ELMO1: variants seen among roughly 807,000 people sequenced by gnomAD.
ELMO1 encodes engulfment and cell motility protein 1.
ELMO1 carries 26 observed loss-of-function variants against 98.9 expected under a neutral mutation model. The ratio of observed to expected loss-of-function variants is 0.26; its 90% CI spans 0.19 to 0.36. The LOEUF is 0.36. Ranked by LOEUF, ELMO1 falls within the 10% of genes least tolerant of loss-of-function variation. The pLI is 1.00. For missense variants in ELMO1, 627 were observed against 935.2 expected, an observed-to-expected ratio of 0.67 and a Z score of 4.30; for synonymous variants, 346 against 346.0, an observed-to-expected ratio of 1.00 and a Z score of 0.00.
intron 16 of ELMO1, among the ~76,000 whole-genome samples, chr7:36,916,489 CA>C (rs1168802575): frequency 3.5e-4 from 53 of 152,180 alleles, no homozygotes; most frequent in Non-Finnish European, 5.9e-5. Context: ...AAACACTATA[CA>C]AATGTAACAT....
intron 20 of ELMO1, among the ~76,000 whole-genome samples, chr7:36,866,048 T>G (rs906729861): frequency 6.6e-6 from 1 of 152,168 alleles, no homozygotes; most frequent in African/African-American, 2.4e-5. Flanking sequence ...GATGGAAGCT[T>G]CTCATACACC....
At chr7:37,407,923 T>G (rs1803839431) in intron 1 of ELMO1, among the ~76,000 whole-genome samples, 1 of 152,216 alleles carries the variant, frequency 6.6e-6, no homozygotes, top group African/African-American at 2.4e-5. Flanking sequence ...AACTGTACTT[T>G]GTGCCCAATT....
At chr7:36,900,209 C>T (rs1430705468) in intron 16 of ELMO1, among the ~76,000 whole-genome samples, 1 of 152,222 alleles carries the variant, frequency 6.6e-6, no homozygotes, top group East Asian at 1.9e-4. Flanking sequence ...AGCACCCCTT[C>T]TGAGTCTTCC....
chr7:37,219,545 T>A (rs1793480385), intron 10 of ELMO1, among the ~76,000 whole-genome samples: 1 of 152,230 alleles, frequency 6.6e-6, no homozygotes, highest in South Asian at 2.1e-4. Flanking sequence ...CATGTTTAGA[T>A]TATATTTCAA....
intron 19 of ELMO1, among the ~76,000 whole-genome samples, chr7:36,872,395 C>A (rs1471577128): frequency 2.0e-5 from 3 of 152,204 alleles, no homozygotes; most frequent in Non-Finnish European, 4.4e-5. Context: ...CAGCCCTTTG[C>A]CAACCTGTGT....
intron 15 of ELMO1, among the ~76,000 whole-genome samples, chr7:37,025,937 T>TATC (rs1343114106): frequency 2.8e-4 from 21 of 73,824 alleles, no homozygotes; most frequent in Non-Finnish European, 2.3e-4. Flanking sequence ...ATCTATCTAT[T>TATC]TTTTTCTATT....
At chr7:37,259,415 T>C (rs1259985059) in intron 5 of ELMO1, 65 bp from the exon 6 acceptor site, 1 of 1,554,996 alleles carries the variant, frequency 6.4e-7, no homozygotes, top group Admixed American at 1.8e-5. Context: ...AACAGATTTA[T>C]GTTTCAATGA....
chr7:37,022,817 T>C (rs1215334093), intron 15 of ELMO1, among the ~76,000 whole-genome samples: 1 of 152,226 alleles, frequency 6.6e-6, no homozygotes, highest in Non-Finnish European at 1.5e-5. Flanking sequence ...AGCCAAAAAC[T>C]TGAAACAATC....
intron 1 of ELMO1, among the ~76,000 whole-genome samples, chr7:37,354,169 T>C (rs1801400736): frequency 6.6e-6 from 1 of 152,216 alleles, no homozygotes; most frequent in Admixed American, 6.5e-5. Context: ...GACTCATATC[T>C]TACTCATCTC....
intron 16 of ELMO1, chr7:36,986,194 T>C (rs1334523774): frequency 1.3e-4 from 124 of 985,468 alleles, no homozygotes; most frequent in Non-Finnish European, 1.4e-4. Flanking sequence ...GATGCTCCGA[T>C]TGGCAGGAGT....
intron 15 of ELMO1, among the ~76,000 whole-genome samples, chr7:37,060,972 G>A (rs1796639877): frequency 6.6e-6 from 1 of 152,064 alleles, no homozygotes; most frequent in Non-Finnish European, 1.5e-5. Flanking sequence ...ACATCTGAAT[G>A]ACTATTTCTG....
chr7:37,262,602 C>T (rs1435304414), intron 5 of ELMO1, among the ~76,000 whole-genome samples: 2 of 152,178 alleles, frequency 1.3e-5, no homozygotes, highest in Non-Finnish European at 2.9e-5. Flanking sequence ...AAGGAGACAA[C>T]TTTTCTTTAA....
chr7:37,131,129 T>C (rs562672909), intron 14 of ELMO1, among the ~76,000 whole-genome samples: 1 of 152,156 alleles, frequency 6.6e-6, no homozygotes, highest in East Asian at 1.9e-4. Flanking sequence ...TCAGAATTTA[T>C]ATATGCTCTA....
intron 4 of ELMO1, among the ~76,000 whole-genome samples, chr7:37,307,216 T>G (rs1340122926): frequency 6.6e-6 from 1 of 152,234 alleles, no homozygotes; most frequent in Non-Finnish European, 1.5e-5. Context: ...ATGTTTTGGC[T>G]GTGTCTCCAC....
intron 16 of ELMO1, among the ~76,000 whole-genome samples, chr7:36,927,045 G>C (rs770458724): frequency 1.3e-5 from 2 of 152,108 alleles, no homozygotes; most frequent in African/African-American, 4.8e-5. Flanking sequence ...AATATAACAA[G>C]ACTAACACTT....
At chr7:37,168,985 G>A (rs545992187) in intron 13 of ELMO1, among the ~76,000 whole-genome samples, 37 of 152,322 alleles carry the variant, frequency 2.4e-4, no homozygotes, top group African/African-American at 8.7e-4. Flanking sequence ...AGCTGTGGTG[G>A]GCTCCAACCA....
chr7:36,934,745 CT>C (rs1786361590), intron 16 of ELMO1, among the ~76,000 whole-genome samples: 1 of 152,184 alleles, frequency 6.6e-6, no homozygotes, highest in Admixed American at 6.5e-5. Context: ...TGTAATCCTC[CT>C]CTGGTGACAC....
At chr7:36,969,322 C>A (rs6462724) in intron 16 of ELMO1, among the ~76,000 whole-genome samples, 52,383 of 151,938 alleles carry the variant, frequency 0.34, 11,522 homozygotes, top group African/African-American at 0.63. Context: ...TTTTAACATA[C>A]TAGAGTAATA....
At chr7:36,982,796 T>C (rs1791179805) in intron 16 of ELMO1, among the ~76,000 whole-genome samples, 1 of 152,262 alleles carries the variant, frequency 6.6e-6, no homozygotes, top group Non-Finnish European at 1.5e-5. Flanking sequence ...TATTGTTACA[T>C]CTTCATTGTG....
Sources: allele counts gnomAD v4.1 joint callset (sites outside exome capture counted in the v4.1 genomes callset), GRCh38; gene constraint gnomAD v4.1.1; transcripts MANE v1.5; gene names NCBI Gene and HGNC (gene_info 2026-07-23, HGNC 2026-07-21).